The following SLC12A8 variants were observed in gnomAD, a reference collection of about 807,000 sequenced individuals.
SLC12A8 encodes the protein cation-chloride cotransporter 9.
In SLC12A8, 69 loss-of-function variants were observed where a neutral mutation model predicts 75.6. The observed-to-expected ratio is 0.91, with a 90% CI of 0.75 to 1.11. The LOEUF is 1.11. Among genes scored for constraint, SLC12A8 ranks in the 50% most tolerant of loss-of-function variants. SLC12A8 has a pLI of 0.00. For missense variants in SLC12A8, 877 were observed against 896.7 expected, an observed-to-expected ratio of 0.98 and a Z score of 0.28; for synonymous variants, 365 against 372.8, an observed-to-expected ratio of 0.98 and a Z score of 0.24.
intron 11 of SLC12A8, 151 bp from the exon 12 acceptor site, chr3:125,091,707 A>T: frequency 1.6e-6 from 1 of 609,812 alleles, no homozygotes; most frequent in Non-Finnish European, 2.9e-6. Flanking sequence ...GAAGAATTCA[A>T]AAAACCTCAC....
chr3:125,209,898 A>C (rs180864028), intron 2 of SLC12A8, among the ~76,000 whole-genome samples: 295 of 152,370 alleles, frequency 1.9e-3, no homozygotes, highest in African/African-American at 6.8e-3. Context: ...GTGGAAAAAG[A>C]ACTTAGGAGA....
At chr3:125,092,028 C>T in intron 11 of SLC12A8, 73 bp downstream of exon 11, 1 of 1,064,922 alleles carries the variant, frequency 9.4e-7, no homozygotes, top group Non-Finnish European at 1.4e-6. Flanking sequence ...TCCTCCCCCA[C>T]AGCCCAAGAT....
intron 5 of SLC12A8, among the ~76,000 whole-genome samples, chr3:125,168,205 C>T (rs946570271): frequency 1.3e-5 from 2 of 152,086 alleles, no homozygotes; most frequent in African/African-American, 4.8e-5. Flanking sequence ...AGAGCTTAAG[C>T]TAGACAGAGA....
chr3:125,174,060 C>G (rs771907193), intron 5 of SLC12A8, among the ~76,000 whole-genome samples: 1 of 152,192 alleles, frequency 6.6e-6, no homozygotes, highest in Non-Finnish European at 1.5e-5. Context: ...CCACTGCACT[C>G]CAGCCTGGGT....
At chr3:125,087,677 C>T (rs943112458) in intron 13 of SLC12A8, among the ~76,000 whole-genome samples, 1 of 152,090 alleles carries the variant, frequency 6.6e-6, no homozygotes, top group Non-Finnish European at 1.5e-5. Flanking sequence ...AATCCCAGGG[C>T]CTTAAAAGGT....
At chr3:125,124,519 G>T (rs1007356854) in intron 6 of SLC12A8, among the ~76,000 whole-genome samples, 3 of 152,146 alleles carry the variant, frequency 2.0e-5, no homozygotes, top group African/African-American at 7.2e-5. Context: ...TAGAGATGGG[G>T]TTTCACCATG....
intron 5 of SLC12A8, among the ~76,000 whole-genome samples, chr3:125,149,027 C>G (rs543125525): frequency 6.6e-6 from 1 of 152,336 alleles, no homozygotes; most frequent in African/African-American, 2.4e-5. Context: ...ATCGCTTCCT[C>G]GGAACTCCCA....
Position 125,105,343 on chromosome 3 carries a change from A to G in SLC12A8, c.1705+2138T>C, listed in dbSNP as rs965410158. 3.3e-5 allele frequency among the ~76,000 whole-genome samples: 5 copies of G among 152,352 alleles called. 1 individual carries two copies. The highest frequency in any genetic ancestry group is 1.3e-4 in the Admixed American group (2 of 15,306). On this transcript the variant is annotated intron_variant, in intron 10 of 13. Coordinates refer to ENST00000469902, the MANE Select transcript of SLC12A8 (RefSeq NM_024628.6). The stretch of plus-strand genomic sequence containing the variant: ...TGGTAACAAGAGGAATTCTAAGACA[A>G]CAGCTTTGTAGCAGACCTAGCAAAC...
intron 8 of SLC12A8, 87 bp from the exon 9 acceptor site, chr3:125,110,422 T>G: frequency 7.4e-7 from 1 of 1,358,180 alleles, no homozygotes; most frequent in Non-Finnish European, 1.0e-6. Context: ...CTGCACCCCA[T>G]GCAATCATCC....
chr3:125,100,085 T>C (rs1250637969), intron 10 of SLC12A8, among the ~76,000 whole-genome samples: 2 of 151,714 alleles, frequency 1.3e-5, no homozygotes, highest in African/African-American at 4.8e-5. Flanking sequence ...AAGACAAAAA[T>C]GATCCAAAGT....
chr3:125,153,135 T>A (rs1933971479), intron 5 of SLC12A8, among the ~76,000 whole-genome samples: 1 of 152,194 alleles, frequency 6.6e-6, no homozygotes, highest in Admixed American at 6.5e-5. Flanking sequence ...ACTGTGTCCA[T>A]CCATCTGCCT....
intron 6 of SLC12A8, among the ~76,000 whole-genome samples, chr3:125,128,223 C>T (rs1336997283): frequency 7.3e-6 from 1 of 137,750 alleles, no homozygotes; most frequent in African/African-American, 2.6e-5. Context: ...CTCTGTCGCC[C>T]AGGCTGGAGT....
chr3:125,183,833 T>A (rs1351829700), intron 4 of SLC12A8, among the ~76,000 whole-genome samples: 3 of 151,892 alleles, frequency 2.0e-5, no homozygotes, highest in African/African-American at 7.3e-5. Flanking sequence ...CTGTAGTCCA[T>A]CGTCTCCTCC....
chr3:125,193,383 T>A (rs1441492442), intron 2 of SLC12A8, among the ~76,000 whole-genome samples: 1 of 152,018 alleles, frequency 6.6e-6, no homozygotes, highest in Non-Finnish European at 1.5e-5. Context: ...AAAAAAGAAG[T>A]AGCAGCTTGT....
At chr3:125,167,259 C>G (rs1934309983) in intron 5 of SLC12A8, among the ~76,000 whole-genome samples, 1 of 152,050 alleles carries the variant, frequency 6.6e-6, no homozygotes, top group African/African-American at 2.4e-5. Flanking sequence ...AAGAGATTCT[C>G]CTGCCTCAGC....
At chr3:125,183,809 G>A (rs764469014) in intron 4 of SLC12A8, among the ~76,000 whole-genome samples, 2 of 152,012 alleles carry the variant, frequency 1.3e-5, no homozygotes, top group African/African-American at 2.4e-5. Flanking sequence ...AGTGGAGCAG[G>A]GAGTGAGGGG....
Position 125,110,061 on chromosome 3 carries a change from TTC to T in SLC12A8, c.1059+126_1059+127del, listed in dbSNP as rs1035592235. Reference sequence around the variant, plus strand: ...TGAAAGAAATGACCTCTGCATTATTTTCTGTGTCACCCCAAAGAAATTGACCA... The same window carrying T: ...TGAAAGAAATGACCTCTGCATTATTTTGTGTCACCCCAAAGAAATTGACCA... On this transcript the variant is annotated intron_variant, in intron 9 of 13. Coordinates refer to ENST00000469902, the MANE Select transcript of SLC12A8 (RefSeq NM_024628.6). The T allele has an allele frequency of 1.6e-5, 17 of 1,049,760 alleles. No homozygotes were observed. In the African/African-American group the frequency reaches 2.4e-4, roughly 15 times the overall value. 65.0% of individuals were successfully genotyped at this position (1,049,760 alleles called of 1,614,324 possible). A position where few individuals can be genotyped will look rare whatever the true frequency, so the allele number is the denominator to read the frequency against.
chr3:125,162,653 G>C (rs541855088), intron 5 of SLC12A8, among the ~76,000 whole-genome samples: 1 of 152,170 alleles, frequency 6.6e-6, no homozygotes, highest in Admixed American at 6.5e-5. Flanking sequence ...CCTATGTTGC[G>C]CTTGGACCTA....
At chr3:125,176,910 G>A (rs36172685) in intron 5 of SLC12A8, among the ~76,000 whole-genome samples, 6,595 of 151,448 alleles carry the variant, frequency 0.044, 212 homozygotes, top group Admixed American at 0.07. Flanking sequence ...TGTGGAAGTC[G>A]GTGTGGCGAT....
Sources: allele counts gnomAD v4.1 joint callset (sites outside exome capture counted in the v4.1 genomes callset), GRCh38; gene constraint gnomAD v4.1.1; transcripts MANE v1.5; gene names NCBI Gene and HGNC (gene_info 2026-07-23, HGNC 2026-07-21).